The following FAM161A variants were observed in gnomAD, a reference collection of about 807,000 sequenced individuals.
FAM161A encodes FAM161 centrosomal protein A.
FAM161A carries 57 observed loss-of-function variants against 70.9 expected under a neutral mutation model. The ratio of observed to expected loss-of-function variants is 0.80; its 90% confidence interval spans 0.65 to 1.00. FAM161A has a LOEUF of 1.00. FAM161A is among the 50% of genes least tolerant of loss of function. The probability of loss-of-function intolerance (pLI) is 0.00; values close to 1 mark genes in which losing one functional copy is unlikely to be tolerated. For missense variants in FAM161A, 880 were observed against 836.0 expected, an observed-to-expected ratio of 1.05 and a Z score of -0.65; for synonymous variants, 299 against 295.7, an observed-to-expected ratio of 1.01 and a Z score of -0.12.
At chr2:61,804,818 G>GAAAGAAAGAA in the FAM161A span, among the ~76,000 whole-genome samples, 14 of 110,064 alleles carry the variant, frequency 1.3e-4, no homozygotes, top group South Asian at 7.2e-4. Flanking sequence ...AAGAAAGAAA[G>GAAAGAAAGAA]AGAAAGAGAA....
chr2:61,844,692 C>G (rs577806396), intron 1 of FAM161A, among the ~76,000 whole-genome samples: 1 of 152,274 alleles, frequency 6.6e-6, no homozygotes, highest in African/African-American at 2.4e-5. Flanking sequence ...AAGCAAGACT[C>G]TGTCTCACTT....
chr2:61,836,293 C>A, intron 4 of FAM161A, 184 bp from the exon 5 acceptor site: 1 of 567,508 alleles, frequency 1.8e-6, no homozygotes, highest in South Asian at 2.1e-5. Flanking sequence ...TCTTCTATAC[C>A]GGTTAATTCT....
At chr2:61,812,148 C>T in the FAM161A span, among the ~76,000 whole-genome samples, 2 of 152,050 alleles carry the variant, frequency 1.3e-5, no homozygotes, top group Non-Finnish European at 2.9e-5. Context: ...GCAAACTCTC[C>T]CCCAGTCACT....
At chr2:61,822,128 T>C (rs1375224427), downstream of FAM161A, among the ~76,000 whole-genome samples, 1 of 151,830 alleles carries the variant, frequency 6.6e-6, no homozygotes, top group Non-Finnish European at 1.5e-5. Context: ...ACAAAGTTGC[T>C]ATACTATAAA....
chr2:61,846,779 A>C (rs185220402), intron 1 of FAM161A: 7 of 357,068 alleles, frequency 2.0e-5, no homozygotes, highest in African/African-American at 6.5e-5. Context: ...TAGCCCTCTG[A>C]CTGCTTCCTG....
intron 1 of FAM161A, among the ~76,000 whole-genome samples, chr2:61,843,222 CA>C (rs1037119971): frequency 1.3e-5 from 2 of 152,216 alleles, no homozygotes; most frequent in African/African-American, 4.8e-5. Context: ...CAGCTCACTG[CA>C]ACCTCTGCCT....
In FAM161A at chr2:61,825,972, A is replaced by G. The variant is rs1314351296; in HGVS notation, c.*483T>C. On this transcript the variant is annotated 3_prime_UTR_variant, in exon 7 of 7. Coordinates refer to ENST00000404929, the MANE Select transcript of FAM161A (RefSeq NM_001201543.2). ...ACTTTTAAAAATGGCTCAGAGCAGC[A>G]AAACAAGTTAGAGGATTTATTCTGT... 2.2e-6 allele frequency: 1 copy of G among 454,240 alleles called. No individual in the cohort carries two copies. The highest frequency in any genetic ancestry group is 1.6e-5 in the South Asian group (1 of 64,478). 28.1% of individuals were successfully genotyped at this position (454,240 alleles called of 1,614,324 possible). A position where few individuals can be genotyped will look rare whatever the true frequency, so the allele number is the denominator to read the frequency against.
chr2:61,807,217 C>G, the FAM161A span, among the ~76,000 whole-genome samples: 1 of 151,502 alleles, frequency 6.6e-6, no homozygotes, highest in Non-Finnish European at 1.5e-5. Flanking sequence ...TAACAAAAGC[C>G]CAGACAACGG....
chr2:61,803,370 GA>G, the FAM161A span: 1 of 700,130 alleles, frequency 1.4e-6, no homozygotes, highest in Non-Finnish European at 2.7e-6. Flanking sequence ...TGTATGAGAA[GA>G]AAAAGACCTC....
the FAM161A span, among the ~76,000 whole-genome samples, chr2:61,806,680 C>CTTTTTTTTTTTTTTTT: frequency 7.5e-4 from 46 of 61,588 alleles, 10 homozygotes; most frequent in South Asian, 1.5e-3. Flanking sequence ...CTTTCCACGT[C>CTTTTTTTTTTTTTTTT]TTTTTTTTTT....
At chr2:61,847,104 G>C (rs1173511319) in intron 1 of FAM161A, 1 of 335,076 alleles carries the variant, frequency 3.0e-6, no homozygotes, top group African/African-American at 2.2e-5. Flanking sequence ...AGAGGTTGCA[G>C]TGAACCAAGA....
intron 1 of FAM161A, 131 bp downstream of exon 1, chr2:61,853,728 C>A (rs1673577412): frequency 4.3e-6 from 4 of 941,008 alleles, no homozygotes; most frequent in African/African-American, 1.7e-5. Flanking sequence ...GGGCCAGGAC[C>A]ACCAAGTAGG....
At chr2:61,845,997 G>T (rs1447037660) in intron 1 of FAM161A, among the ~76,000 whole-genome samples, 1 of 150,056 alleles carries the variant, frequency 6.7e-6, no homozygotes, top group Non-Finnish European at 1.5e-5. Flanking sequence ...ACAGAGGCAG[G>T]AGAATCGCTT....
chr2:61,846,495 C>T (rs886447018), intron 1 of FAM161A, among the ~76,000 whole-genome samples: 25 of 152,318 alleles, frequency 1.6e-4, no homozygotes, highest in African/African-American at 6.0e-4. Flanking sequence ...CGTCAGGATA[C>T]TCATACAAGC....
intron 1 of FAM161A, among the ~76,000 whole-genome samples, chr2:61,852,938 C>CTTT (rs5831624): frequency 4.5e-5 from 3 of 66,438 alleles, no homozygotes; most frequent in Admixed American, 1.7e-4. Flanking sequence ...AGATTCCCAT[C>CTTT]TTTTTTTTTT....
At chr2:61,812,339 A>G in the FAM161A span, among the ~76,000 whole-genome samples, 1 of 152,190 alleles carries the variant, frequency 6.6e-6, no homozygotes, top group African/African-American at 2.4e-5. Context: ...ATTAGTATGT[A>G]TTGTGGGACA....
chr2:61,829,859 G>A (rs1335970107), intron 5 of FAM161A, among the ~76,000 whole-genome samples: 2 of 152,010 alleles, frequency 1.3e-5, no homozygotes, highest in South Asian at 2.1e-4. Context: ...CAGCAGCAGC[G>A]AGACCACAAT....
the FAM161A span, among the ~76,000 whole-genome samples, chr2:61,812,235 C>T: frequency 6.6e-6 from 1 of 152,160 alleles, no homozygotes; most frequent in Non-Finnish European, 1.5e-5. Context: ...CTCCAATCCT[C>T]CCCCAACTGG....
chr2:61,822,256 C>T (rs1037704696), downstream of FAM161A, among the ~76,000 whole-genome samples: 17 of 151,912 alleles, frequency 1.1e-4, no homozygotes, highest in Admixed American at 4.6e-4. Context: ...CATAGCGAGA[C>T]GCTGTCTCTA....
Sources: gnomAD v4.1 joint callset for allele counts (sites outside exome capture counted in the v4.1 genomes callset) on GRCh38, gnomAD v4.1.1 for gene constraint, MANE v1.5 for transcripts, NCBI Gene and HGNC (gene_info 2026-07-23, HGNC 2026-07-21) for gene names.